The following NUMB variants were observed in gnomAD, a reference collection of about 807,000 sequenced individuals.
NUMB encodes the protein NUMB endocytic adaptor protein, also known as protein numb homolog.
NUMB carries 29 observed loss-of-function variants against 59.7 expected under a neutral mutation model. That is an observed-to-expected ratio of 0.49 (90% confidence interval 0.36 to 0.66). The LOEUF (loss-of-function observed/expected upper bound fraction) is 0.66. Ranked by LOEUF, NUMB falls within the 30% of genes least tolerant of loss-of-function variation. NUMB has a pLI of 0.00. For missense variants in NUMB, 723 were observed against 822.0 expected, an observed-to-expected ratio of 0.88 and a Z score of 1.47; for synonymous variants, 288 against 288.2, an observed-to-expected ratio of 1.00 and a Z score of 0.01.
At chr14:73,391,843 G>A (rs1895869937) in intron 2 of NUMB, among the ~76,000 whole-genome samples, 1 of 152,176 alleles carries the variant, frequency 6.6e-6, no homozygotes, top group African/African-American at 2.4e-5. Flanking sequence ...GACTACTATT[G>A]TCCACAGAAT....
intron 1 of NUMB, among the ~76,000 whole-genome samples, chr14:73,454,884 T>C (rs1595058638): frequency 6.6e-6 from 1 of 152,318 alleles, no homozygotes; most frequent in South Asian, 2.1e-4. Flanking sequence ...CTTCCATCAT[T>C]TGGTGTAGAA....
intron 1 of NUMB, among the ~76,000 whole-genome samples, chr14:73,441,058 C>G (rs1359868538): frequency 2.6e-5 from 4 of 151,680 alleles, no homozygotes; most frequent in African/African-American, 9.7e-5. Flanking sequence ...ATCATTATGT[C>G]TGACAAGGAA....
At chr14:73,352,529 T>TA (rs1893444223) in intron 4 of NUMB, among the ~76,000 whole-genome samples, 2 of 21,774 alleles carry the variant, frequency 9.2e-5, no homozygotes, top group East Asian at 3.1e-3. Context: ...TATATATATA[T>TA]GTTTTTTTTT....
intron 2 of NUMB, among the ~76,000 whole-genome samples, chr14:73,385,371 C>G (rs1895459035): frequency 7.0e-6 from 1 of 142,586 alleles, no homozygotes; most frequent in Non-Finnish European, 1.5e-5. Context: ...TGATCTCAAA[C>G]TCCTGGGCTC....
intron 1 of NUMB, among the ~76,000 whole-genome samples, chr14:73,417,161 T>C (rs1891793323): frequency 6.6e-6 from 1 of 151,952 alleles, no homozygotes; most frequent in Non-Finnish European, 1.5e-5. Context: ...CATCACTCAA[T>C]AAAACCTCTG....
intron 2 of NUMB, among the ~76,000 whole-genome samples, chr14:73,371,830 C>T (rs1251114476): frequency 9.2e-5 from 14 of 152,110 alleles, no homozygotes; most frequent in Admixed American, 3.9e-4. Flanking sequence ...CTGCCAGTAC[C>T]TTGATCTTGG....
At chr14:73,319,565 A>G (rs1317410212) in intron 5 of NUMB, among the ~76,000 whole-genome samples, 1 of 152,202 alleles carries the variant, frequency 6.6e-6, no homozygotes, top group Non-Finnish European at 1.5e-5. Flanking sequence ...TTTATAATCT[A>G]TAAAAAAAAC....
At chr14:73,311,403 G>A (rs951910369) in intron 6 of NUMB, among the ~76,000 whole-genome samples, 5 of 152,092 alleles carry the variant, frequency 3.3e-5, no homozygotes, top group African/African-American at 1.2e-4. Context: ...TCAGGTCTTC[G>A]TTTTTTTGCC....
intron 2 of NUMB, among the ~76,000 whole-genome samples, chr14:73,389,792 T>C (rs915885240): frequency 6.6e-6 from 1 of 152,248 alleles, no homozygotes. Context: ...GATAATAATG[T>C]ATACCTCCTG....
Position 73,292,739 on chromosome 14 carries a change from C to T in NUMB, c.445G>A (p.Asp149Asn). 1.9e-6 allele frequency: 3 copies of T among 1,614,156 alleles called. No homozygotes were observed. The highest frequency in any genetic ancestry group is 2.5e-6 in the Non-Finnish European group (3 of 1,179,998). Residue 149 changes from aspartate (D) to asparagine (N), a missense_variant, in exon 8 of 13, where the codon GAC becomes AAC. This residue lies in a region of NUMB where 317 missense variants were observed against 436.6 expected (regional missense o/e 0.73). Coordinates refer to ENST00000555238, the MANE Select transcript of NUMB (RefSeq NM_001005743.2). ...WICHCFMAVK[D>N]TGERLSHAVG... ...TACATATTTGCTGGACTCACTGTGT[C>T]CTTGACAGCCATGAAGCAGTGACAG... is the stretch of plus-strand genomic sequence containing the variant.
In NUMB at chr14:73,398,409, A is replaced by AGTGT. The variant is rs1392874790; in HGVS notation, c.-101+11527_-101+11528insACAC. Among the ~76,000 whole-genome samples the AGTGT allele has an allele frequency of 1.1e-4, 13 of 120,230 alleles. No homozygotes were observed. In the East Asian group the frequency reaches 1.4e-3, roughly 13 times the overall value. 78.9% of individuals were successfully genotyped at this position (120,230 alleles called of 152,430 possible). On this transcript the variant is annotated intron_variant, in intron 2 of 12. Coordinates refer to ENST00000555238, the MANE Select transcript of NUMB (RefSeq NM_001005743.2). ...GACACACACAGAGAGAGAGAGAGAG[A>AGTGT]GAGAGAGTGTGTGTGTGTGTGTGTG...
chr14:73,446,512 G>A (rs1405136968), intron 1 of NUMB, among the ~76,000 whole-genome samples: 1 of 151,740 alleles, frequency 6.6e-6, no homozygotes, highest in African/African-American at 2.4e-5. Context: ...AGGCTGAGGA[G>A]GAGAATCACT....
At chr14:73,314,366 AATT>A (rs1486298450) in intron 6 of NUMB, among the ~76,000 whole-genome samples, 1 of 152,086 alleles carries the variant, frequency 6.6e-6, no homozygotes, top group East Asian at 1.9e-4. Context: ...AAAACTGGAG[AATT>A]ATTATTTTTG....
rs532199274 is a variant in NUMB at position 73,292,609 on chromosome 14, A to G, written c.450+125T>C. The G allele has an allele frequency of 2.8e-4, 227 of 798,334 alleles. No individual in the cohort carries two copies. In the African/African-American group the frequency reaches 3.5e-3, roughly 12 times the overall value. 49.5% of individuals were successfully genotyped at this position (798,334 alleles called of 1,614,324 possible). A position where few individuals can be genotyped will look rare whatever the true frequency, so the allele number is the denominator to read the frequency against. On this transcript the variant is annotated intron_variant, in intron 8 of 12. Coordinates refer to ENST00000555238, the MANE Select transcript of NUMB (RefSeq NM_001005743.2). ...TATTTGAATAAAAGGAGCTGAAAGT[A>G]GGCTAGTTTAGGCACTTCCAAGTAC...
intron 1 of NUMB, among the ~76,000 whole-genome samples, chr14:73,442,561 A>C (rs1000748099): frequency 1.3e-5 from 2 of 152,220 alleles, no homozygotes; most frequent in Non-Finnish European, 2.9e-5. Flanking sequence ...ATATTATGGA[A>C]TACTACTCAA....
rs759196342 is a variant in NUMB, at chr14:73,277,135, G to A, written c.1399C>T (p.Leu467Phe). ...ATGGCAGTGGGTGGAGGAGGCTGGA[G>A]AACTGGCTGCAGAGGAGCAGCTGAG... ...QASAAPLQPV[L>F]QPPPPTAISQ... Residue 467 changes from leucine to phenylalanine, a missense_variant, in exon 13 of 13, where the codon CTC (leucine) becomes TTC (phenylalanine). By Grantham distance (22) the Leu-to-Phe change is conservative. Around this residue, in one of 2 missense-constraint regions of NUMB, gnomAD observed 406 missense variants for 385.4 expected, o/e 1.05. Coordinates refer to ENST00000555238, the MANE Select transcript of NUMB (RefSeq NM_001005743.2). 44 of 1,613,952 alleles carry A rather than the reference G, an allele frequency of 2.7e-5. No individual in the cohort carries two copies. The African/African-American group carries it at 2.8e-4, about 10-fold the overall frequency.
intron 2 of NUMB, among the ~76,000 whole-genome samples, chr14:73,408,897 GAAA>G (rs1379999218): frequency 7.2e-6 from 1 of 138,168 alleles, no homozygotes; most frequent in Non-Finnish European, 1.6e-5. Context: ...AAAAAAGAAA[GAAA>G]GAAAGAAAGA....
intron 6 of NUMB, among the ~76,000 whole-genome samples, chr14:73,299,567 TATATGA>T (rs1889989798): frequency 1.0e-5 from 1 of 99,996 alleles, no homozygotes; most frequent in Admixed American, 1.0e-4. Flanking sequence ...ATATGTCATA[TATATGA>T]CATGACATAT....
At position 73,277,318 on chromosome 14, in the gene NUMB, A is replaced by G. The variant is rs763754113; in HGVS notation, c.1241-25T>C. 1.9e-5 allele frequency: 29 copies of G among 1,544,832 alleles called. No individual in the cohort carries two copies. The Admixed American group carries it at 4.3e-4, about 23-fold the overall frequency. ...CCTGGAACCAACAAGATGAGAGACA[A>G]AAGAATCAGTTAGGGGCATCTTTCC... On this transcript the variant is annotated intron_variant, in intron 12 of 12. Coordinates refer to ENST00000555238, the MANE Select transcript of NUMB (RefSeq NM_001005743.2).
Sources: gnomAD v4.1 joint callset for allele counts (sites outside exome capture counted in the v4.1 genomes callset) on GRCh38, gnomAD v4.1.1 for gene constraint, gnomAD v4.1.1 regional missense constraint, MANE v1.5 for transcripts, NCBI Gene and HGNC (gene_info 2026-07-23, HGNC 2026-07-21) for gene names.